Variants in SOX5 observed in about 807,000 individuals in gnomAD.
The protein encoded by SOX5 is SRY-box transcription factor 5, also known as transcription factor SOX-5.
SOX5 carries 9 observed loss-of-function variants against 92.0 expected under a neutral mutation model. The observed-to-expected ratio is 0.10, with a 90% CI of 0.06 to 0.17. The LOEUF is 0.17. SOX5 is among the 10% of genes least tolerant of loss of function. The probability of loss-of-function intolerance (pLI) is 1.00; values close to 1 mark genes in which losing one functional copy is unlikely to be tolerated. For synonymous variants in SOX5, 344 were observed against 336.3 expected (o/e 1.02, Z -0.25); for missense variants, 642 against 944.5 (o/e 0.68, Z 4.20).
chr12:23,971,994 T>G lies in SOX5; in HGVS notation c.-1-75970A>C, dbSNP rs1306231043. 2.0e-5 allele frequency among the ~76,000 whole-genome samples: 3 copies of G among 152,298 alleles called. No individual in the cohort carries two copies. The East Asian group carries it at 5.8e-4, about 29-fold the overall frequency. ...AGAATAAATGAATGGTTCTCAAATT[T>G]TTACTGTAGTATCCATTTGGGCATT... On this transcript the variant is annotated intron_variant, in intron 4 of 4. Transcript: ENST00000446891.
intron 4 of SOX5, among the ~76,000 whole-genome samples, chr12:24,196,125 T>C (rs1033109771): frequency 4.6e-5 from 7 of 152,248 alleles, no homozygotes; most frequent in African/African-American, 1.7e-4. Flanking sequence ...CCTCATGTGA[T>C]CCGCCTGCAT....
intron 2 of SOX5, among the ~76,000 whole-genome samples, chr12:24,334,294 C>T (rs928896571): frequency 5.9e-5 from 9 of 151,814 alleles, no homozygotes; most frequent in Admixed American, 2.6e-4. Context: ...AATTAAACGG[C>T]AGATTAAAGA....
intron 8 of SOX5, among the ~76,000 whole-genome samples, chr12:23,607,908 T>C (rs1199819495): frequency 2.6e-5 from 4 of 151,958 alleles, no homozygotes; most frequent in African/African-American, 7.3e-5. Context: ...ATTTTTATGA[T>C]AGTGAAGTTG....
intron 3 of SOX5, among the ~76,000 whole-genome samples, chr12:24,251,572 G>GT (rs68085452): frequency 0.18 from 25,421 of 141,294 alleles, 2,296 homozygotes; most frequent in Middle Eastern, 0.21. Context: ...AGGGTTTTTT[G>GT]TTTTTTTTTT....
intron 3 of SOX5, among the ~76,000 whole-genome samples, chr12:24,232,853 G>A (rs758353224): frequency 3.3e-5 from 5 of 151,878 alleles, no homozygotes; most frequent in Admixed American, 6.6e-5. Context: ...CCATATTTCC[G>A]ACACTTAAAA....
chr12:23,871,699 C>T (rs143034503), intron 2 of SOX5, among the ~76,000 whole-genome samples: 34 of 152,060 alleles, frequency 2.2e-4, no homozygotes, highest in African/African-American at 7.5e-4. Context: ...TTTATGACTC[C>T]GTTGGTATAA....
intron 4 of SOX5, among the ~76,000 whole-genome samples, chr12:24,132,965 G>T (rs1204874028): frequency 6.6e-6 from 1 of 152,140 alleles, no homozygotes; most frequent in Non-Finnish European, 1.5e-5. Flanking sequence ...AGGAGACCAG[G>T]ATTGCAGTAA....
At position 24,153,859 on chromosome 12, in the gene SOX5, A is replaced by C. The variant is rs183648228; in HGVS notation, c.-2+59484T>G. Among the ~76,000 whole-genome samples, 129 of 151,610 alleles carry C rather than the reference A, an allele frequency of 8.5e-4. 1 individual carries two copies. The highest frequency in any genetic ancestry group is 3.4e-3 in the Middle Eastern group (1 of 294). ...TTACAAATAAAATGTTCTCACTTGA[A>C]TACACACACACACACAATCACGCAC... On this transcript the variant is annotated intron_variant, in intron 4 of 4. Coordinates refer to the SOX5 transcript ENST00000446891.
At chr12:24,449,762 T>C (rs1387943778) in intron 1 of SOX5, among the ~76,000 whole-genome samples, 1 of 152,216 alleles carries the variant, frequency 6.6e-6, no homozygotes, top group Non-Finnish European at 1.5e-5. Context: ...TTCTAAAATA[T>C]AATTAACAGT....
chr12:24,242,844 G>A (rs1937723900), intron 3 of SOX5, among the ~76,000 whole-genome samples: 1 of 149,744 alleles, frequency 6.7e-6, no homozygotes, highest in Admixed American at 6.8e-5. Context: ...TTTTAGCCCA[G>A]CAATTCTACT....
chr12:24,043,903 C>T (rs774886017), intron 4 of SOX5, among the ~76,000 whole-genome samples: 5 of 152,166 alleles, frequency 3.3e-5, no homozygotes, highest in East Asian at 1.9e-4. Flanking sequence ...ACCTCCATCA[C>T]GTATCATAAT....
chr12:23,709,707 G>A (rs934852682), intron 6 of SOX5, among the ~76,000 whole-genome samples: 9 of 152,132 alleles, frequency 5.9e-5, no homozygotes, highest in African/African-American at 1.9e-4. Flanking sequence ...CTGGTTAGGA[G>A]GTTGTGTATG....
intron 1 of SOX5, among the ~76,000 whole-genome samples, chr12:24,398,225 C>T (rs1380751631): frequency 6.6e-6 from 1 of 152,098 alleles, no homozygotes; most frequent in African/African-American, 2.4e-5. Context: ...GTTTTTAGGC[C>T]AGATGCAGTG....
At chr12:23,890,826 A>G (rs1409366936) in intron 2 of SOX5, among the ~76,000 whole-genome samples, 1 of 151,858 alleles carries the variant, frequency 6.6e-6, no homozygotes, top group Non-Finnish European at 1.5e-5. Context: ...AAAAAAAAAG[A>G]AAAGAAGGAA....
intron 3 of SOX5, among the ~76,000 whole-genome samples, chr12:24,242,624 C>T (rs1022609283): frequency 7.2e-6 from 1 of 138,618 alleles, no homozygotes; most frequent in South Asian, 2.3e-4. Context: ...CAAAGAAATG[C>T]AAATGAAAAC....
At chr12:23,677,438 A>C (rs1566918244) in intron 6 of SOX5, among the ~76,000 whole-genome samples, 2 of 152,348 alleles carry the variant, frequency 1.3e-5, no homozygotes, top group East Asian at 3.9e-4. Context: ...GTGTGCCATT[A>C]AACACATTTC....
intron 1 of SOX5, among the ~76,000 whole-genome samples, chr12:24,427,481 T>C (rs559278408): frequency 2.0e-5 from 3 of 152,370 alleles, no homozygotes; most frequent in South Asian, 4.1e-4. Flanking sequence ...ATAAATGCAC[T>C]GTAGCTAAAA....
intron 10 of SOX5, among the ~76,000 whole-genome samples, chr12:23,571,253 T>C (rs1417334864): frequency 1.3e-5 from 2 of 151,998 alleles, no homozygotes; most frequent in African/African-American, 4.8e-5. Flanking sequence ...ACCTGGCATG[T>C]TGTACAACTC....
chr12:24,422,519 C>T (rs1310537542), intron 1 of SOX5, among the ~76,000 whole-genome samples: 3 of 152,120 alleles, frequency 2.0e-5, no homozygotes, highest in Admixed American at 6.5e-5. Context: ...TGCAGAGTCA[C>T]CTGAACCCAC....
Sources: gnomAD v4.1 joint callset for allele counts (sites outside exome capture counted in the v4.1 genomes callset) on GRCh38, gnomAD v4.1.1 for gene constraint, MANE v1.5 for transcripts, NCBI Gene and HGNC (gene_info 2026-07-23, HGNC 2026-07-21) for gene names.